MAGI2: variants seen among roughly 807,000 people sequenced by gnomAD.
MAGI2 encodes the protein membrane associated guanylate kinase, WW and PDZ domain containing 2.
A neutral mutation model predicts 133.3 loss-of-function variants in MAGI2; 35 were observed. The ratio of observed to expected loss-of-function variants is 0.26; its 90% CI spans 0.20 to 0.35. The LOEUF (loss-of-function observed/expected upper bound fraction) is 0.35. MAGI2 is among the 10% of genes least tolerant of loss of function. The pLI is 1.00. For synonymous variants in MAGI2, 729 were observed against 710.6 expected (o/e 1.03, Z -0.41); for missense variants, 1,636 against 1,863.4 (o/e 0.88, Z 2.25).
intron 2 of MAGI2, among the ~76,000 whole-genome samples, chr7:78,839,001 C>T (rs1791896302): frequency 6.6e-6 from 1 of 151,886 alleles, no homozygotes; most frequent in Non-Finnish European, 1.5e-5. Flanking sequence ...AGTCATCCAG[C>T]TTTCTTTTTG....
At chr7:79,126,076 T>C (rs1186949622) in intron 1 of MAGI2, among the ~76,000 whole-genome samples, 7 of 152,250 alleles carry the variant, frequency 4.6e-5, no homozygotes, top group African/African-American at 1.7e-4. Flanking sequence ...AGGGTTTTAA[T>C]GTAGTTTTGT....
intron 16 of MAGI2, among the ~76,000 whole-genome samples, chr7:78,139,595 C>G (rs1005734609): frequency 1.3e-5 from 2 of 152,212 alleles, no homozygotes; most frequent in Non-Finnish European, 2.9e-5. Context: ...GGAGCACAGT[C>G]CATTTAGACA....
intron 1 of MAGI2, chr7:79,008,987 G>T (rs986912718): frequency 2.0e-5 from 3 of 152,054 alleles, no homozygotes; most frequent in African/African-American, 7.2e-5. Context: ...AAGGCTACAG[G>T]TCCTTTGGCA....
chr7:78,779,529 C>T (rs1359861724), intron 2 of MAGI2, among the ~76,000 whole-genome samples: 1 of 152,102 alleles, frequency 6.6e-6, no homozygotes. Context: ...ACCTAGAGAC[C>T]AGAAGTTGGT....
intron 1 of MAGI2, among the ~76,000 whole-genome samples, chr7:79,018,906 C>T (rs1015348500): frequency 3.9e-5 from 6 of 152,010 alleles, no homozygotes; most frequent in African/African-American, 1.2e-4. Flanking sequence ...TTTTAGAGAC[C>T]TACAAAGAGA....
chr7:78,726,926 T>TTG (rs1820873821), intron 2 of MAGI2, among the ~76,000 whole-genome samples: 1 of 152,124 alleles, frequency 6.6e-6, no homozygotes, highest in Non-Finnish European at 1.5e-5. Context: ...TGGGTTTTTT[T>TTG]TTTTTGAAGT....
chr7:78,183,766 C>A (rs966684021), intron 13 of MAGI2, among the ~76,000 whole-genome samples: 1 of 152,068 alleles, frequency 6.6e-6, no homozygotes, highest in African/African-American at 2.4e-5. Context: ...GGAGGTCTTG[C>A]CATCTTGTCT....
intron 2 of MAGI2, among the ~76,000 whole-genome samples, chr7:78,646,019 G>C (rs186069341): frequency 1.3e-5 from 2 of 152,140 alleles, no homozygotes. Flanking sequence ...GATTACAGGC[G>C]TGAGGCACTG....
intron 21 of MAGI2, among the ~76,000 whole-genome samples, chr7:78,055,950 G>A (rs1249791363): frequency 6.6e-6 from 1 of 152,040 alleles, no homozygotes; most frequent in South Asian, 2.1e-4. Context: ...TTTAATTATT[G>A]TGGTAAAAAA....
chr7:78,560,541 T>A (rs1017072545), intron 3 of MAGI2, among the ~76,000 whole-genome samples: 3 of 152,218 alleles, frequency 2.0e-5, no homozygotes, highest in South Asian at 4.1e-4. Flanking sequence ...CTAAATACTT[T>A]AAAATTTTTT....
chr7:78,555,535 T>C (rs1322371927), intron 3 of MAGI2, among the ~76,000 whole-genome samples: 2 of 152,202 alleles, frequency 1.3e-5, no homozygotes, highest in Non-Finnish European at 2.9e-5. Context: ...ATAAAGATAT[T>C]ACAAAATTAA....
intron 2 of MAGI2, among the ~76,000 whole-genome samples, chr7:78,866,584 G>A (rs993759056): frequency 4.6e-5 from 7 of 152,058 alleles, no homozygotes; most frequent in African/African-American, 1.7e-4. Context: ...GGTCCTGCTA[G>A]TTTCCTGCTT....
intron 1 of MAGI2, among the ~76,000 whole-genome samples, chr7:79,029,734 T>C (rs1810379553): frequency 6.6e-6 from 1 of 152,184 alleles, no homozygotes; most frequent in Non-Finnish European, 1.5e-5. Context: ...TTTTAAAATA[T>C]TTATTACTGT....
At chr7:78,085,982 C>T (rs1816596034) in intron 20 of MAGI2, among the ~76,000 whole-genome samples, 1 of 152,144 alleles carries the variant, frequency 6.6e-6, no homozygotes, top group Non-Finnish European at 1.5e-5. Context: ...GGAGCTCTCC[C>T]TTCCGGAGCC....
chr7:79,393,466 G>A (rs756900545), intron 1 of MAGI2, among the ~76,000 whole-genome samples: 2 of 151,966 alleles, frequency 1.3e-5, no homozygotes, highest in Non-Finnish European at 2.9e-5. Flanking sequence ...TTTATCCTTT[G>A]ATATGATTAT....
chr7:78,384,602 G>C (rs903737312), intron 6 of MAGI2, among the ~76,000 whole-genome samples: 3 of 152,008 alleles, frequency 2.0e-5, no homozygotes, highest in Non-Finnish European at 4.4e-5. Flanking sequence ...TTACACAACA[G>C]AACTTATTTT....
intron 6 of MAGI2, among the ~76,000 whole-genome samples, chr7:78,479,987 C>T (rs12667712): frequency 0.37 from 56,271 of 151,566 alleles, 10,883 homozygotes; most frequent in East Asian, 0.6. Context: ...GGGTCAGTAA[C>T]AGAGTGGATA....
intron 2 of MAGI2, among the ~76,000 whole-genome samples, chr7:78,979,717 TG>T (rs1804619632): frequency 6.6e-6 from 1 of 151,814 alleles, no homozygotes; most frequent in Non-Finnish European, 1.5e-5. Context: ...TTGGGTCTTG[TG>T]TGTTTGGCCA....
At chr7:78,609,979 A>G (rs1223204680) in intron 3 of MAGI2, among the ~76,000 whole-genome samples, 1 of 152,160 alleles carries the variant, frequency 6.6e-6, no homozygotes, top group African/African-American at 2.4e-5. Flanking sequence ...TCCCTCTGGA[A>G]CTAAGACCTC....
Sources: gnomAD v4.1 joint callset for allele counts (sites outside exome capture counted in the v4.1 genomes callset) on GRCh38, gnomAD v4.1.1 for gene constraint, MANE v1.5 for transcripts, NCBI Gene and HGNC (gene_info 2026-07-23, HGNC 2026-07-21) for gene names.